RSPO4: variants seen among roughly 807,000 people sequenced by gnomAD.
RSPO4 encodes the protein R-spondin-4.
Under a neutral mutation model 24.8 loss-of-function variants are expected in RSPO4, and 23 were observed. The ratio of observed to expected loss-of-function variants is 0.93; its 90% CI spans 0.67 to 1.31. The LOEUF (loss-of-function observed/expected upper bound fraction) is 1.31. Ranked by LOEUF, RSPO4 falls within the 40% of genes most tolerant of loss-of-function variation. RSPO4 has a pLI of 0.00. For synonymous variants in RSPO4, 141 were observed against 127.4 expected (o/e 1.11, Z -0.72); for missense variants, 333 against 316.5 (o/e 1.05, Z -0.39).
At chr20:985,976 G>A (rs940755942) in intron 1 of RSPO4, among the ~76,000 whole-genome samples, 1 of 152,238 alleles carries the variant, frequency 6.6e-6, no homozygotes, top group African/African-American at 2.4e-5. Context: ...GTCTGGCAGA[G>A]GCAGCCTGCA....
chr20:973,899 C>T (rs999759899), intron 1 of RSPO4, among the ~76,000 whole-genome samples: 15 of 152,116 alleles, frequency 9.9e-5, no homozygotes, highest in South Asian at 2.1e-4. Flanking sequence ...GCTAGGATGC[C>T]CTCTTGTGCC....
At position 968,052 on chromosome 20, in the gene RSPO4, G is replaced by A. The variant is rs766370306; in HGVS notation, c.166C>T (p.Leu56=). Residue 56 remains leucine (L), a synonymous_variant, in exon 2 of 5, where the codon CTG becomes TTG. Coordinates refer to ENST00000217260, the MANE Select transcript of RSPO4 (RefSeq NM_001029871.4). ...CGGATGCCTTCCCGGCGGATGAACA[G>A]GAAGAGCCTCTGCTGGCAGGTGGAA... is the stretch of plus-strand genomic sequence containing the variant. ...GCSTCQQRLF[L]FIRREGIRQY... 5 of 1,614,246 alleles carry A rather than the reference G, an allele frequency of 3.1e-6. No homozygotes were observed. The highest frequency in any genetic ancestry group is 1.1e-5 in the South Asian group (1 of 91,092).
At position 959,370 on chromosome 20, in the gene RSPO4, G is replaced by A. The variant is rs1442966851; in HGVS notation, c.*987C>T. On this transcript the variant is annotated 3_prime_UTR_variant, in exon 5 of 5. Transcript: ENST00000217260. Reference sequence around the variant, plus strand: ...CAGAAGCAGAGCCTGAAGGCTTCCTGTGTGACCCTGGGCAAGCCCCTTCCT... The same window carrying A: ...CAGAAGCAGAGCCTGAAGGCTTCCTATGTGACCCTGGGCAAGCCCCTTCCT... 1 of 152,402 alleles carries A rather than the reference G, an allele frequency of 6.6e-6. No individual in the cohort carries two copies. Among genetic ancestry groups the A allele is most frequent in the African/African-American group, 2.4e-5 (1 of 41,462 alleles). 9.4% of individuals were successfully genotyped at this position (152,402 alleles called of 1,614,324 possible). A position where few individuals can be genotyped will look rare whatever the true frequency, so the allele number is the denominator to read the frequency against.
At chr20:973,486 G>GTT in intron 1 of RSPO4, among the ~76,000 whole-genome samples, 1 of 143,098 alleles carries the variant, frequency 7.0e-6, no homozygotes, top group East Asian at 2.1e-4. Flanking sequence ...TTGTTTGTTT[G>GTT]TTTTTGAGAT....
chr20:1,000,819 G>A (rs1233912060), intron 1 of RSPO4, among the ~76,000 whole-genome samples: 2 of 152,094 alleles, frequency 1.3e-5, no homozygotes, highest in Non-Finnish European at 2.9e-5. Context: ...CTAGTCCCTT[G>A]TCCCACTGTC....
intron 3 of RSPO4, 81 bp downstream of exon 3, chr20:967,093 A>C: frequency 7.1e-7 from 1 of 1,411,962 alleles, no homozygotes; most frequent in Non-Finnish European, 9.7e-7. Flanking sequence ...AATTTCTTCC[A>C]GGGCCCCTAA....
chr20:996,937 G>A (rs1985309677), intron 1 of RSPO4, among the ~76,000 whole-genome samples: 1 of 152,178 alleles, frequency 6.6e-6, no homozygotes, highest in South Asian at 2.1e-4. Flanking sequence ...TCCCCCCGAT[G>A]GGGTTCCTCT....
chr20:992,032 G>GGAC (rs1555797362), intron 1 of RSPO4, among the ~76,000 whole-genome samples: 2 of 151,558 alleles, frequency 1.3e-5, no homozygotes, highest in Non-Finnish European at 2.9e-5. Context: ...GGAGTGAGAG[G>GGAC]GGACGAGGAA....
chr20:963,861 G>T, intron 4 of RSPO4, 74 bp downstream of exon 4: 1 of 1,443,516 alleles, frequency 6.9e-7, no homozygotes. Context: ...CTATTTGTGG[G>T]GCAGTGATCT....
chr20:981,293 G>A lies in RSPO4; in HGVS notation c.80-13155C>T, dbSNP rs1233489215. 6.6e-6 allele frequency among the ~76,000 whole-genome samples: 1 copy of A among 152,192 alleles called. No individual in the cohort carries two copies. The highest frequency in any genetic ancestry group is 1.5e-5 in the Non-Finnish European group (1 of 68,046). On this transcript the variant is annotated intron_variant, in intron 1 of 4. Coordinates refer to ENST00000217260, the MANE Select transcript of RSPO4 (RefSeq NM_001029871.4). The surrounding 1 kb of genome is among the most constrained non-coding windows in gnomAD (Gnocchi z 4.6). ...TAATCCCAGCACTTAGGGAGGCTGAGGCAGGTAGATCATAGGAGGCCCGGA... is the reference window on the plus strand; with the variant it reads ...TAATCCCAGCACTTAGGGAGGCTGAAGCAGGTAGATCATAGGAGGCCCGGA...
chr20:963,022 G>A (rs551922332), intron 4 of RSPO4, among the ~76,000 whole-genome samples: 6 of 152,330 alleles, frequency 3.9e-5, no homozygotes, highest in South Asian at 2.1e-4. Flanking sequence ...ACTACTCACC[G>A]TTCACATCTT....
At chr20:963,871 T>C in intron 4 of RSPO4, 64 bp downstream of exon 4, 1 of 1,527,044 alleles carries the variant, frequency 6.5e-7, no homozygotes, top group Non-Finnish European at 9.1e-7. Context: ...GGCAGTGATC[T>C]GAGTCCGCCC....
intron 1 of RSPO4, among the ~76,000 whole-genome samples, chr20:975,632 A>G (rs540089366): frequency 3.9e-5 from 6 of 152,332 alleles, no homozygotes; most frequent in African/African-American, 1.2e-4. Context: ...TTGCAAAGTG[A>G]TAAAGGCTTA....
chr20:974,884 G>A (rs560026118), intron 1 of RSPO4, among the ~76,000 whole-genome samples: 1 of 152,268 alleles, frequency 6.6e-6, no homozygotes, highest in African/African-American at 2.4e-5. Context: ...CATTGAGTTA[G>A]GTTTTCTGTC....
chr20:968,167 G>C, intron 1 of RSPO4, 29 bp from the exon 2 acceptor site: 1 of 1,605,058 alleles, frequency 6.2e-7, no homozygotes, highest in Non-Finnish European at 8.5e-7. Flanking sequence ...CAGAAGGAGG[G>C]GGAAAGGGAG....
intron 1 of RSPO4, among the ~76,000 whole-genome samples, chr20:996,292 A>T (rs1269354354): frequency 6.6e-6 from 1 of 152,132 alleles, no homozygotes; most frequent in Non-Finnish European, 1.5e-5. Flanking sequence ...TGCTAAATTT[A>T]TTGTCCTCAC....
chr20:982,814 C>T (rs1018076395), intron 1 of RSPO4, among the ~76,000 whole-genome samples: 7 of 152,194 alleles, frequency 4.6e-5, no homozygotes, highest in African/African-American at 1.4e-4. Context: ...TCCCTCTTGT[C>T]GGGGGTTTAT....
intron 1 of RSPO4, 140 bp downstream of exon 1, chr20:1,001,946 T>C (rs1985478523): frequency 5.8e-6 from 4 of 685,276 alleles, no homozygotes; most frequent in South Asian, 5.0e-5. Context: ...TTAAGTGAGG[T>C]TGAGACTCGT....
intron 1 of RSPO4, among the ~76,000 whole-genome samples, chr20:989,087 C>A (rs1985013092): frequency 6.6e-6 from 1 of 152,184 alleles, no homozygotes; most frequent in African/African-American, 2.4e-5. Flanking sequence ...ATCTCCCAAG[C>A]TGGTGTGAAA....
Sources: allele counts gnomAD v4.1 joint callset (sites outside exome capture counted in the v4.1 genomes callset), GRCh38; gene constraint gnomAD v4.1.1; non-coding constraint Gnocchi (gnomAD v3.1); transcripts MANE v1.5; gene names NCBI Gene and HGNC (gene_info 2026-07-23, HGNC 2026-07-21).